VPS8: variants seen among roughly 807,000 people sequenced by gnomAD.
VPS8 encodes VPS8 subunit of CORVET complex.
A neutral mutation model predicts 216.4 loss-of-function variants in VPS8; 129 were observed. The observed-to-expected ratio is 0.60, with a 90% CI of 0.52 to 0.69. The LOEUF is 0.69. Among genes scored for constraint, VPS8 ranks in the 30% least tolerant of loss-of-function variants. VPS8 has a pLI of 0.00. For synonymous variants in VPS8, 571 were observed against 565.4 expected, an observed-to-expected ratio of 1.01 and a Z score of -0.14; for missense variants, 1,531 against 1,683.5, an observed-to-expected ratio of 0.91 and a Z score of 1.59.
At chr3:184,849,846 A>G in intron 9 of VPS8, 90 bp from the exon 10 acceptor site, 1 of 941,052 alleles carries the variant, frequency 1.1e-6, no homozygotes, top group South Asian at 1.4e-5. Context: ...TTTATAGTCA[A>G]GGAATAGATT....
intron 21 of VPS8, among the ~76,000 whole-genome samples, chr3:184,885,551 C>A (rs546393827): frequency 1.3e-5 from 2 of 152,176 alleles, no homozygotes; most frequent in Non-Finnish European, 2.9e-5. Flanking sequence ...ATATGGGCAA[C>A]CTAAATCACC....
intron 45 of VPS8, among the ~76,000 whole-genome samples, chr3:185,020,212 T>G (rs1446158060): frequency 6.6e-6 from 1 of 152,210 alleles, no homozygotes; most frequent in Admixed American, 6.5e-5. Context: ...GTTGATTAAA[T>G]TAGTTATGGT....
intron 25 of VPS8, among the ~76,000 whole-genome samples, chr3:184,902,889 T>C (rs1411710576): frequency 6.6e-6 from 1 of 152,104 alleles, no homozygotes; most frequent in Non-Finnish European, 1.5e-5. Context: ...TTCTCCTACA[T>C]TTTCTTATAG....
intron 1 of VPS8, among the ~76,000 whole-genome samples, chr3:184,821,493 G>A (rs369255017): frequency 2.6e-5 from 4 of 152,012 alleles, no homozygotes; most frequent in South Asian, 4.1e-4. Flanking sequence ...ACAGGCACAC[G>A]CCACCACGCT....
chr3:184,814,500 G>T (rs1715887149), intron 1 of VPS8, among the ~76,000 whole-genome samples: 1 of 152,222 alleles, frequency 6.6e-6, no homozygotes, highest in African/African-American at 2.4e-5. Context: ...GGGATGGCCT[G>T]TTGCTGCTAG....
chr3:184,854,176 G>A lies in VPS8; in HGVS notation c.1035+3G>A, dbSNP rs1411422242. 6.2e-6 allele frequency: 10 copies of A among 1,613,630 alleles called. No individual in the cohort carries two copies. Among genetic ancestry groups the A allele is most frequent in the South Asian group, 1.1e-5 (1 of 91,064 alleles). ...GGATGACTTTTCCCTATGGCCGGGT[G>A]AGTACGTCCCTCCATCTTATTTGCC... On this transcript the variant is annotated splice_donor_region_variant and intron_variant, in intron 13 of 47. Coordinates refer to ENST00000625842, the MANE Select transcript of VPS8 (RefSeq NM_001009921.3).
intron 35 of VPS8, among the ~76,000 whole-genome samples, chr3:184,938,640 T>C (rs1357939027): frequency 7.2e-6 from 1 of 138,122 alleles, no homozygotes; most frequent in African/African-American, 3.2e-5. Context: ...TCTTTTCTTT[T>C]CTTTTTTTCT....
rs532466119 is a variant in VPS8, at chr3:184,949,025, T to G, written c.3036-8349T>G. ...ATTTTATTAAAATTTGAAAGATTAG[T>G]CTGGGTGAGGTGGCTCACACCTGTA... On this transcript the variant is annotated intron_variant, in intron 36 of 47. Transcript: ENST00000625842. Among the ~76,000 whole-genome samples, 176 of 152,240 alleles carry G rather than the reference T, an allele frequency of 1.2e-3. 2 individuals are homozygous for G. The highest frequency in any genetic ancestry group is 4.1e-3 in the African/African-American group (169 of 41,550).
chr3:185,026,701 CT>C (rs1165255623), intron 46 of VPS8, among the ~76,000 whole-genome samples: 4,951 of 85,382 alleles, frequency 0.058, 45 homozygotes, highest in African/African-American at 0.14. Context: ...GAGCCACTGT[CT>C]TTTTTTTTTT....
chr3:184,836,040 G>C (rs1467428793), intron 5 of VPS8, among the ~76,000 whole-genome samples: 2 of 152,134 alleles, frequency 1.3e-5, no homozygotes, highest in Non-Finnish European at 1.5e-5. Context: ...ATGAGAGATT[G>C]ATACAGAATT....
At chr3:185,007,675 A>ATAT (rs1754450493) in intron 45 of VPS8, among the ~76,000 whole-genome samples, 1 of 152,180 alleles carries the variant, frequency 6.6e-6, no homozygotes, top group Non-Finnish European at 1.5e-5. Flanking sequence ...AGGGAGTTTT[A>ATAT]TATGGTATTG....
In VPS8 at chr3:184,971,754, TA is replaced by T; in HGVS notation, c.3420+3del. The T allele has an allele frequency of 6.2e-7, 1 of 1,611,140 alleles. No individual in the cohort carries two copies. Among genetic ancestry groups the T allele is most frequent in the Non-Finnish European group, 8.5e-7 (1 of 1,178,230 alleles). The stretch of plus-strand genomic sequence containing the variant: ...AATTTGAACCAGCAGCAACGTGAGG[TA>T]GGAGAATGACTGTTTAGGTATTTAA... On this transcript the variant is annotated splice_donor_region_variant and intron_variant, in intron 40 of 47. Transcript: ENST00000625842.
intron 45 of VPS8, among the ~76,000 whole-genome samples, chr3:185,019,452 T>C (rs967387488): frequency 1.3e-5 from 2 of 152,238 alleles, no homozygotes; most frequent in Non-Finnish European, 2.9e-5. Flanking sequence ...TACATATTTA[T>C]TGACAGCAAG....
At chr3:185,009,985 C>CAAAAAAAAAAA in intron 45 of VPS8, among the ~76,000 whole-genome samples, 1 of 91,390 alleles carries the variant, frequency 1.1e-5, no homozygotes, top group Non-Finnish European at 2.3e-5. Context: ...ACTTCAGGTC[C>CAAAAAAAAAAA]AAAAAAAAAA....
intron 5 of VPS8, among the ~76,000 whole-genome samples, chr3:184,835,399 T>G (rs1303034709): frequency 1.3e-5 from 2 of 152,330 alleles, no homozygotes; most frequent in African/African-American, 4.8e-5. Flanking sequence ...GTAAAATGGC[T>G]GGAACAGAGT....
At chr3:185,049,536 G>T (rs1189096198) in intron 47 of VPS8, among the ~76,000 whole-genome samples, 1 of 152,050 alleles carries the variant, frequency 6.6e-6, no homozygotes, top group Non-Finnish European at 1.5e-5. Flanking sequence ...CAGGTCTTCT[G>T]ATTGGCTAGA....
intron 22 of VPS8, among the ~76,000 whole-genome samples, chr3:184,886,393 C>T (rs560605496): frequency 2.6e-5 from 4 of 151,520 alleles, no homozygotes; most frequent in South Asian, 2.1e-4. Context: ...AGATAAAGAA[C>T]GTAACTAGCA....
chr3:184,965,983 C>T (rs1231414147), intron 38 of VPS8, among the ~76,000 whole-genome samples: 1 of 152,148 alleles, frequency 6.6e-6, no homozygotes, highest in East Asian at 1.9e-4. Context: ...TTACTCACAA[C>T]CCAGTATATT....
chr3:184,911,683 G>A (rs1046093015), intron 25 of VPS8, among the ~76,000 whole-genome samples: 4 of 152,094 alleles, frequency 2.6e-5, no homozygotes, highest in East Asian at 3.9e-4. Flanking sequence ...TTTTGCTCTC[G>A]TAATCACCTA....
Sources: gnomAD v4.1 joint callset for allele counts (sites outside exome capture counted in the v4.1 genomes callset) on GRCh38, gnomAD v4.1.1 for gene constraint, MANE v1.5 for transcripts, NCBI Gene and HGNC (gene_info 2026-07-23, HGNC 2026-07-21) for gene names.